Variants in GRID2 observed in about 807,000 individuals in gnomAD.
GRID2 encodes glutamate ionotropic receptor delta type subunit 2.
In GRID2, 33 loss-of-function variants were observed where a neutral mutation model predicts 114.8. The ratio of observed to expected loss-of-function variants is 0.29; its 90% confidence interval spans 0.22 to 0.38. The LOEUF (loss-of-function observed/expected upper bound fraction) is 0.38, where lower values mean the gene tolerates loss of function less well. GRID2 is among the 10% of genes least tolerant of loss of function. GRID2 has a pLI of 1.00. For missense variants in GRID2, 1,184 were observed against 1,257.7 expected, an observed-to-expected ratio of 0.94 and a Z score of 0.89; for synonymous variants, 505 against 449.9, an observed-to-expected ratio of 1.12 and a Z score of -1.55.
chr4:93,024,517 T>C (rs1723698472), intron 2 of GRID2, among the ~76,000 whole-genome samples: 1 of 151,780 alleles, frequency 6.6e-6, no homozygotes, highest in Admixed American at 6.6e-5. Context: ...TTAAAATCTT[T>C]ATAGTTTAGC....
chr4:93,020,553 T>C (rs1578769760), intron 2 of GRID2, among the ~76,000 whole-genome samples: 1 of 152,290 alleles, frequency 6.6e-6, no homozygotes, highest in Non-Finnish European at 1.5e-5. Context: ...TCATGAATAG[T>C]CAAAGACTAA....
rs182944917 is a variant in GRID2, at chr4:92,573,943, G to C, written c.89-16188G>C. 1.4e-4 allele frequency among the ~76,000 whole-genome samples: 22 copies of C among 152,248 alleles called. No individual in the cohort carries two copies. In the East Asian group the frequency reaches 4.3e-3, roughly 29 times the overall value. On this transcript the variant is annotated intron_variant, in intron 1 of 15. Coordinates refer to ENST00000282020, the MANE Select transcript of GRID2 (RefSeq NM_001510.4). The stretch of plus-strand genomic sequence containing the variant: ...ACAGTATTACTTTGTAGAAGCCTAA[G>C]TCTCTTTAAAGGTCCCTAAGAACTT...
chr4:92,436,808 A>C (rs531999766), intron 1 of GRID2, among the ~76,000 whole-genome samples: 76 of 152,254 alleles, frequency 5.0e-4, no homozygotes, highest in African/African-American at 1.7e-3. Flanking sequence ...TACTTTCATA[A>C]TTTATTAAGG....
chr4:93,249,328 T>G (rs781441924), intron 8 of GRID2, among the ~76,000 whole-genome samples: 2 of 152,194 alleles, frequency 1.3e-5, no homozygotes, highest in Non-Finnish European at 2.9e-5. Flanking sequence ...TTTGTTCTTT[T>G]GGCTTAGGAT....
At chr4:92,536,246 A>G (rs1017544857) in intron 1 of GRID2, among the ~76,000 whole-genome samples, 2 of 152,136 alleles carry the variant, frequency 1.3e-5, no homozygotes, top group Admixed American at 1.3e-4. Context: ...TCCTTTAACT[A>G]GACAGAAAAG....
chr4:92,723,860 A>T (rs1350557362), intron 2 of GRID2, among the ~76,000 whole-genome samples: 2 of 152,116 alleles, frequency 1.3e-5, no homozygotes, highest in Non-Finnish European at 2.9e-5. Context: ...TTCTCTTCCT[A>T]TTACCTCTTG....
chr4:92,817,323 T>C (rs886372526), intron 2 of GRID2, among the ~76,000 whole-genome samples: 2 of 152,176 alleles, frequency 1.3e-5, no homozygotes, highest in Non-Finnish European at 2.9e-5. Context: ...AAATTATAAT[T>C]GGATCATATT....
chr4:93,095,095 T>G (rs1350023172), intron 3 of GRID2, among the ~76,000 whole-genome samples: 1 of 151,958 alleles, frequency 6.6e-6, no homozygotes, highest in Non-Finnish European at 1.5e-5. Context: ...TTAGGAAATA[T>G]TTTGATAAAA....
chr4:93,023,996 G>A (rs746320207), intron 2 of GRID2, among the ~76,000 whole-genome samples: 1 of 151,598 alleles, frequency 6.6e-6, no homozygotes, highest in Non-Finnish European at 1.5e-5. Flanking sequence ...TTGTTGAGCA[G>A]GAAAAAGATA....
chr4:92,697,594 T>C (rs1734479379), intron 2 of GRID2, among the ~76,000 whole-genome samples: 2 of 152,254 alleles, frequency 1.3e-5, no homozygotes, highest in African/African-American at 2.4e-5. Context: ...TCAGCCTATG[T>C]TGTGGTAGTG....
At chr4:92,438,656 C>G (rs1032432163) in intron 1 of GRID2, among the ~76,000 whole-genome samples, 1 of 151,612 alleles carries the variant, frequency 6.6e-6, no homozygotes, top group Admixed American at 6.6e-5. Context: ...TGCTGTTTTT[C>G]CCAACTCTTC....
At chr4:93,296,758 A>G (rs997000902) in intron 8 of GRID2, among the ~76,000 whole-genome samples, 2 of 152,220 alleles carry the variant, frequency 1.3e-5, no homozygotes, top group African/African-American at 2.4e-5. Context: ...AGCAAGAGAT[A>G]GTTTCCTGAG....
chr4:93,327,389 T>A (rs1252192111), intron 8 of GRID2, among the ~76,000 whole-genome samples: 2 of 152,190 alleles, frequency 1.3e-5, no homozygotes, highest in Non-Finnish European at 2.9e-5. Context: ...GTTCAGTTAG[T>A]CATACAAAAC....
chr4:92,704,727 C>CTCTT (rs1553918693), intron 2 of GRID2, among the ~76,000 whole-genome samples: 3 of 145,466 alleles, frequency 2.1e-5, no homozygotes, highest in African/African-American at 5.4e-5. Flanking sequence ...CTCTCTTTCT[C>CTCTT]TCTCTCTCTC....
At chr4:93,408,330 T>C (rs1206576830) in intron 9 of GRID2, among the ~76,000 whole-genome samples, 1 of 151,978 alleles carries the variant, frequency 6.6e-6, no homozygotes, top group Non-Finnish European at 1.5e-5. Flanking sequence ...CTGGAACATA[T>C]GCTGAGAAAT....
chr4:92,545,149 T>C (rs1043037278), intron 1 of GRID2, among the ~76,000 whole-genome samples: 2 of 152,074 alleles, frequency 1.3e-5, no homozygotes, highest in South Asian at 2.1e-4. Flanking sequence ...CTAATGTGTT[T>C]ACACTGAAAA....
At chr4:92,520,269 A>C (rs543417476) in intron 1 of GRID2, among the ~76,000 whole-genome samples, 2 of 152,006 alleles carry the variant, frequency 1.3e-5, no homozygotes, top group Non-Finnish European at 1.5e-5. Flanking sequence ...TAATATTAAT[A>C]ATACTTAAAT....
intron 5 of GRID2, among the ~76,000 whole-genome samples, chr4:93,211,370 T>C (rs1743454022): frequency 6.6e-6 from 1 of 152,136 alleles, no homozygotes; most frequent in Non-Finnish European, 1.5e-5. Flanking sequence ...ATAAGCATTA[T>C]GATTCATGTT....
intron 9 of GRID2, among the ~76,000 whole-genome samples, chr4:93,408,224 CTTTGT>C: frequency 6.6e-6 from 1 of 152,110 alleles, no homozygotes; most frequent in Admixed American, 6.6e-5. Flanking sequence ...ATTACCCCTC[CTTTGT>C]TTTATCAGTC....
Sources: gnomAD v4.1 joint callset for allele counts (sites outside exome capture counted in the v4.1 genomes callset) on GRCh38, gnomAD v4.1.1 for gene constraint, MANE v1.5 for transcripts, NCBI Gene and HGNC (gene_info 2026-07-23, HGNC 2026-07-21) for gene names.